Variants in DAB1 observed in about 807,000 individuals in gnomAD.
DAB1 encodes disabled homolog 1.
A neutral mutation model predicts 64.6 loss-of-function variants in DAB1; 15 were observed. The ratio of observed to expected loss-of-function variants is 0.23; its 90% CI spans 0.16 to 0.36. The LOEUF is 0.36. Among genes scored for constraint, DAB1 ranks in the 10% least tolerant of loss-of-function variants. The probability of loss-of-function intolerance (pLI) is 1.00; values close to 1 mark genes in which losing one functional copy is unlikely to be tolerated. For synonymous variants in DAB1, 235 were observed against 251.9 expected, an observed-to-expected ratio of 0.93 and a Z score of 0.64; for missense variants, 596 against 706.7, an observed-to-expected ratio of 0.84 and a Z score of 1.78.
chr1:57,920,935 C>A (rs1644799671), intron 5 of DAB1, among the ~76,000 whole-genome samples: 1 of 148,212 alleles, frequency 6.7e-6, no homozygotes, highest in African/African-American at 2.6e-5. Flanking sequence ...ACAAATTCTA[C>A]TTCTAGGTAT....
At chr1:58,511,301 G>A (rs911343442) in intron 2 of DAB1, among the ~76,000 whole-genome samples, 5 of 152,122 alleles carry the variant, frequency 3.3e-5, no homozygotes, top group African/African-American at 1.2e-4. Context: ...ACAGAAGAGA[G>A]AGCCCAAAAT....
intron 5 of DAB1, among the ~76,000 whole-genome samples, chr1:57,900,803 T>C (rs1644461231): frequency 6.6e-6 from 1 of 152,148 alleles, no homozygotes; most frequent in Non-Finnish European, 1.5e-5. Context: ...GAGAAGTCAG[T>C]ACATCTCTAT....
intron 4 of DAB1, among the ~76,000 whole-genome samples, chr1:58,317,778 T>C (rs1205886676): frequency 6.6e-6 from 1 of 152,226 alleles, no homozygotes; most frequent in Non-Finnish European, 1.5e-5. Flanking sequence ...GCAGAAGAAC[T>C]GTGAGCTAAT....
At chr1:58,166,568 A>G (rs565929893) in intron 4 of DAB1, among the ~76,000 whole-genome samples, 146 of 152,150 alleles carry the variant, frequency 9.6e-4, no homozygotes, top group Non-Finnish European at 1.8e-3. Context: ...AAGTGTTTCC[A>G]CTTCCTTGGA....
At chr1:58,466,647 C>T (rs1353395334) in intron 3 of DAB1, among the ~76,000 whole-genome samples, 1 of 152,182 alleles carries the variant, frequency 6.6e-6, no homozygotes, top group South Asian at 2.1e-4. Context: ...AAGGGACAAT[C>T]CTCCTTCCCT....
In DAB1 at chr1:58,070,072, G is replaced by A. The variant is rs1164671363; in HGVS notation, n.387+80439C>T. Among the ~76,000 whole-genome samples the A allele has an allele frequency of 2.6e-5, 4 of 152,166 alleles. No individual in the cohort carries two copies. The East Asian group carries it at 7.7e-4, about 29-fold the overall frequency. ...TGCTCAATACTAGGCCAGGCACTTG[G>A]GGACCCAACCATCAGGGAGCTGACA... On this transcript the variant is annotated intron_variant and non_coding_transcript_variant, in intron 5 of 20. Coordinates refer to the DAB1 transcript ENST00000485760.
intron 4 of DAB1, among the ~76,000 whole-genome samples, chr1:58,185,957 T>A (rs1657055499): frequency 6.6e-6 from 1 of 152,168 alleles, no homozygotes; most frequent in South Asian, 2.1e-4. Flanking sequence ...CCAGTACCCA[T>A]TCTAATCTCC....
intron 4 of DAB1, among the ~76,000 whole-genome samples, chr1:57,117,232 G>T (rs1033799973): frequency 2.0e-5 from 3 of 152,154 alleles, no homozygotes; most frequent in African/African-American, 7.2e-5. Context: ...TTTTCAATTG[G>T]CAAGGACAAA....
chr1:57,380,623 G>C (rs1681292013), intron 1 of DAB1, among the ~76,000 whole-genome samples: 1 of 152,174 alleles, frequency 6.6e-6, no homozygotes, highest in African/African-American at 2.4e-5. Context: ...CCAACAATGG[G>C]AATACAAAGG....
chr1:57,414,212 G>A (rs1203836065), intron 1 of DAB1, among the ~76,000 whole-genome samples: 1 of 152,056 alleles, frequency 6.6e-6, no homozygotes, highest in East Asian at 1.9e-4. Flanking sequence ...GCATTCTATA[G>A]AGAAATCTTT....
intron 14 of DAB1, 94 bp from the exon 15 acceptor site, chr1:56,998,222 A>T (rs915228937): frequency 1.3e-5 from 2 of 152,672 alleles, no homozygotes; most frequent in Non-Finnish European, 2.9e-5. Flanking sequence ...TTAAAACAGA[A>T]AAGTGACAGT....
chr1:57,702,931 A>T (rs992162581), intron 6 of DAB1, among the ~76,000 whole-genome samples: 1 of 152,186 alleles, frequency 6.6e-6, no homozygotes, highest in Non-Finnish European at 1.5e-5. Flanking sequence ...AAAAATAAGC[A>T]ATGGGGAAAG....
At chr1:58,112,445 A>G (rs12035279) in intron 5 of DAB1, among the ~76,000 whole-genome samples, 22,579 of 152,244 alleles carry the variant, frequency 0.15, 2,112 homozygotes, top group East Asian at 0.44. Context: ...GTTCTTTGAA[A>G]GCAGAGACTA....
intron 6 of DAB1, among the ~76,000 whole-genome samples, chr1:57,774,194 A>G (rs777887505): frequency 4.0e-5 from 6 of 151,878 alleles, no homozygotes; most frequent in Non-Finnish European, 8.8e-5. Context: ...GATTTTCATT[A>G]TATAGGTCTA....
At chr1:57,375,267 T>G (rs1057158090) in intron 1 of DAB1, among the ~76,000 whole-genome samples, 1 of 152,132 alleles carries the variant, frequency 6.6e-6, no homozygotes, top group Non-Finnish European at 1.5e-5. Context: ...GTGCTCGATC[T>G]CCAGGATCTC....
intron 1 of DAB1, among the ~76,000 whole-genome samples, chr1:57,873,472 T>C (rs970637419): frequency 4.6e-5 from 7 of 152,254 alleles, no homozygotes; most frequent in African/African-American, 1.7e-4. Flanking sequence ...AACCAATGAA[T>C]TTACATCTTG....
chr1:57,670,133 T>C (rs935531539), intron 6 of DAB1, among the ~76,000 whole-genome samples: 11 of 152,182 alleles, frequency 7.2e-5, no homozygotes, highest in African/African-American at 2.7e-4. Context: ...CATTAGACTC[T>C]TTGCAATTAT....
chr1:57,157,009 C>T (rs35088189), intron 2 of DAB1, among the ~76,000 whole-genome samples: 7,156 of 152,192 alleles, frequency 0.047, 595 homozygotes, highest in African/African-American at 0.16. Context: ...AGTCAGGATC[C>T]GAAGGAGGAA....
At chr1:58,473,962 G>A (rs12407003) in intron 3 of DAB1, 174,381 of 1,273,766 alleles carry the variant, frequency 0.14, 14,483 homozygotes, top group East Asian at 0.4. Flanking sequence ...TTCTCTTCCC[G>A]GACAAGCTGT....
Sources: allele counts gnomAD v4.1 joint callset (sites outside exome capture counted in the v4.1 genomes callset), GRCh38; gene constraint gnomAD v4.1.1; transcripts MANE v1.5; gene names NCBI Gene and HGNC (gene_info 2026-07-23, HGNC 2026-07-21).